The following NOVA1 variants were observed in gnomAD, a reference collection of about 807,000 sequenced individuals.
NOVA1 encodes RNA-binding protein Nova-1.
NOVA1 carries 7 observed loss-of-function variants against 38.0 expected under a neutral mutation model. The observed-to-expected ratio is 0.18, with a 90% CI of 0.10 to 0.35. NOVA1 has a LOEUF of 0.35. NOVA1 is among the 10% of genes least tolerant of loss of function. The pLI is 1.00. For missense variants in NOVA1, 460 were observed against 616.0 expected, an observed-to-expected ratio of 0.75 and a Z score of 2.68; for synonymous variants, 270 against 232.5, an observed-to-expected ratio of 1.16 and a Z score of -1.47.
At chr14:26,594,035 A>G (rs769709680) in intron 2 of NOVA1, 1 of 151,652 alleles carries the variant, frequency 6.6e-6, no homozygotes, top group Non-Finnish European at 1.5e-5. Flanking sequence ...TTCCACATTG[A>G]TTTTTTTTAT....
At position 26,575,687 on chromosome 14, in the gene NOVA1, C is replaced by T. The variant is rs563753762; in HGVS notation, c.280+19723G>A. Among the ~76,000 whole-genome samples the T allele has an allele frequency of 5.9e-5, 9 of 151,894 alleles. No homozygotes were observed. The East Asian group carries it at 1.4e-3, about 23-fold the overall frequency. ...ACAGATTTATTTTGTCTTATTCTGG[C>T]AGAACATTTACAGAGATTAAATATC... On this transcript the variant is annotated intron_variant, in intron 2 of 4. Coordinates refer to ENST00000539517, the MANE Select transcript of NOVA1 (RefSeq NM_002515.3).
chr14:26,480,438 T>C (rs959915836), intron 2 of NOVA1, among the ~76,000 whole-genome samples: 4 of 152,086 alleles, frequency 2.6e-5, no homozygotes, highest in Non-Finnish European at 4.4e-5. Context: ...TGAGTACTTA[T>C]AAAAGAACTT....
chr14:26,575,457 C>A (rs1481974709), intron 2 of NOVA1, among the ~76,000 whole-genome samples: 3 of 152,022 alleles, frequency 2.0e-5, no homozygotes, highest in African/African-American at 7.2e-5. Flanking sequence ...TAATTAATAA[C>A]CACGAAAAAT....
chr14:26,533,068 T>A (rs1355522344), intron 2 of NOVA1, among the ~76,000 whole-genome samples: 1 of 152,192 alleles, frequency 6.6e-6, no homozygotes, highest in East Asian at 1.9e-4. Context: ...TGATACAGTC[T>A]GTGTAGAATA....
At chr14:26,579,723 G>C (rs545774143) in intron 2 of NOVA1, among the ~76,000 whole-genome samples, 8 of 152,122 alleles carry the variant, frequency 5.3e-5, no homozygotes, top group African/African-American at 1.7e-4. Context: ...GAAAATACTT[G>C]CTAAGGAATG....
chr14:26,559,421 TA>T (rs1891686299), intron 2 of NOVA1, among the ~76,000 whole-genome samples: 1 of 152,192 alleles, frequency 6.6e-6, no homozygotes, highest in South Asian at 2.1e-4. Flanking sequence ...AATGCCATTC[TA>T]AAATGATGTA....
chr14:26,449,313 G>A (rs543640082), intron 4 of NOVA1, among the ~76,000 whole-genome samples: 40 of 152,200 alleles, frequency 2.6e-4, no homozygotes, highest in Admixed American at 4.6e-4. Flanking sequence ...AAAATCACAT[G>A]CTGTTGATGA....
At chr14:26,596,642 G>T in intron 1 of NOVA1, 1 of 1,289,072 alleles carries the variant, frequency 7.8e-7, no homozygotes, top group South Asian at 1.2e-5. Context: ...TATCGGTCCC[G>T]TTAAAACTCA....
At chr14:26,596,454 T>G in intron 1 of NOVA1, 2 of 960,038 alleles carry the variant, frequency 2.1e-6, no homozygotes, top group South Asian at 2.7e-5. Flanking sequence ...TCACATCTTA[T>G]ACAGGAGACA....
At chr14:26,453,164 TTATGTATGTATGTATGTATGTATG>T (rs146403566) in intron 4 of NOVA1, among the ~76,000 whole-genome samples, 1 of 125,132 alleles carries the variant, frequency 8.0e-6, no homozygotes, top group Non-Finnish European at 1.7e-5. Context: ...ACTGCTTCAA[TTATGTATGTATGTATGTATGTATG>T]TATGTATGTA....
chr14:26,555,122 A>T (rs1488086485), intron 2 of NOVA1, among the ~76,000 whole-genome samples: 2 of 152,092 alleles, frequency 1.3e-5, no homozygotes, highest in Non-Finnish European at 2.9e-5. Context: ...TTTTATAGGA[A>T]CACTTTCAAT....
intron 2 of NOVA1, among the ~76,000 whole-genome samples, chr14:26,502,816 T>C: frequency 6.6e-6 from 1 of 152,048 alleles, no homozygotes; most frequent in Non-Finnish European, 1.5e-5. Flanking sequence ...TTATTTGAAA[T>C]ATGATACATA....
intron 2 of NOVA1, among the ~76,000 whole-genome samples, chr14:26,571,594 C>G (rs1892478057): frequency 6.6e-6 from 1 of 152,124 alleles, no homozygotes; most frequent in South Asian, 2.1e-4. Context: ...ACTGTCTACC[C>G]ACGTGGCTAG....
chr14:26,562,707 A>G (rs1225105544), intron 2 of NOVA1, among the ~76,000 whole-genome samples: 1 of 152,196 alleles, frequency 6.6e-6, no homozygotes, highest in African/African-American at 2.4e-5. Flanking sequence ...CCAGAAAGAC[A>G]GCGATAATGT....
At chr14:26,519,990 C>T (rs1194239609) in intron 2 of NOVA1, among the ~76,000 whole-genome samples, 2 of 152,138 alleles carry the variant, frequency 1.3e-5, no homozygotes, top group African/African-American at 2.4e-5. Context: ...TAAGTTGCCA[C>T]AAACACTGAA....
chr14:26,564,745 C>G (rs1892033366), intron 2 of NOVA1, among the ~76,000 whole-genome samples: 1 of 152,118 alleles, frequency 6.6e-6, no homozygotes, highest in South Asian at 2.1e-4. Context: ...TTGGCAATAA[C>G]CAACCCTATT....
chr14:26,528,780 A>T (rs993970002), intron 2 of NOVA1, among the ~76,000 whole-genome samples: 1 of 152,190 alleles, frequency 6.6e-6, no homozygotes, highest in Admixed American at 6.5e-5. Context: ...CCTTTAGCCG[A>T]ATCCTACTAT....
At chr14:26,524,474 T>C (rs187878884) in intron 2 of NOVA1, among the ~76,000 whole-genome samples, 45 of 152,174 alleles carry the variant, frequency 3.0e-4, no homozygotes, top group African/African-American at 1.1e-3. Context: ...TAAATAATTA[T>C]ATAGTAATAA....
chr14:26,505,460 C>T (rs1887575544), intron 2 of NOVA1, among the ~76,000 whole-genome samples: 1 of 152,016 alleles, frequency 6.6e-6, no homozygotes, highest in South Asian at 2.1e-4. Context: ...CTTTAGCCTC[C>T]CACCATGACT....
Sources: allele counts gnomAD v4.1 joint callset (sites outside exome capture counted in the v4.1 genomes callset), GRCh38; gene constraint gnomAD v4.1.1; transcripts MANE v1.5; gene names NCBI Gene and HGNC (gene_info 2026-07-23, HGNC 2026-07-21).